PRKN: variants seen among roughly 807,000 people sequenced by gnomAD.
PRKN encodes the protein parkin RBR E3 ubiquitin protein ligase.
PRKN carries 56 observed loss-of-function variants against 59.5 expected under a neutral mutation model. The observed-to-expected ratio is 0.94, with a 90% confidence interval of 0.76 to 1.18. The LOEUF is 1.18. Ranked by LOEUF, PRKN falls within the 50% of genes most tolerant of loss-of-function variation. The probability of loss-of-function intolerance (pLI) is 0.00; values close to 1 mark genes in which losing one functional copy is unlikely to be tolerated. For synonymous variants in PRKN, 250 were observed against 222.1 expected (o/e 1.13, Z -1.12); for missense variants, 657 against 596.4 (o/e 1.10, Z -1.06).
chr6:161,547,678 C>T lies in PRKN; in HGVS notation c.1083+1176G>A, dbSNP rs1459537359. ...CTAGCATTCTGATCCCAGAGGTTGGCAACCTGCTGAGGCCACACACAATCA... is the reference window on the plus strand; with the variant it reads ...CTAGCATTCTGATCCCAGAGGTTGGTAACCTGCTGAGGCCACACACAATCA... On this transcript the variant is annotated intron_variant, in intron 9 of 11. Transcript: ENST00000366898. This position sits in a 1 kb window ranked among gnomAD's most constrained non-coding sequence, Gnocchi z 4.0. 1.3e-5 allele frequency among the ~76,000 whole-genome samples: 2 copies of T among 152,230 alleles called. No individual in the cohort carries two copies. The highest frequency in any genetic ancestry group is 1.3e-4 in the Admixed American group (2 of 15,282).
chr6:162,622,347 C>T (rs1435420424), intron 1 of PRKN, among the ~76,000 whole-genome samples: 2 of 147,740 alleles, frequency 1.4e-5, no homozygotes, highest in East Asian at 2.1e-4. Flanking sequence ...GCTCCCCAGG[C>T]GAATTTTTGC....
At chr6:161,892,666 G>C (rs1777452678) in intron 6 of PRKN, among the ~76,000 whole-genome samples, 1 of 152,182 alleles carries the variant, frequency 6.6e-6, no homozygotes, top group Non-Finnish European at 1.5e-5. Context: ...CTGAGCGCAT[G>C]AGTTAGAGGA....
intron 1 of PRKN, among the ~76,000 whole-genome samples, chr6:162,522,875 G>T (rs190904727): frequency 3.5e-4 from 53 of 151,970 alleles, no homozygotes; most frequent in African/African-American, 1.2e-3. Context: ...ATTTCAGTTG[G>T]ACCATAGAGC....
chr6:162,143,951 T>C (rs1255360732), intron 4 of PRKN, among the ~76,000 whole-genome samples: 1 of 152,216 alleles, frequency 6.6e-6, no homozygotes, highest in Non-Finnish European at 1.5e-5. Flanking sequence ...CAAAAATATA[T>C]AATTTCATAC....
At position 161,355,266 on chromosome 6, in the gene PRKN, G is replaced by A. The variant is rs766465099; in HGVS notation, c.1285+4822C>T. On this transcript the variant is annotated intron_variant, in intron 11 of 11. Coordinates refer to ENST00000366898, the MANE Select transcript of PRKN (RefSeq NM_004562.3). The surrounding 1 kb of genome is among the most constrained non-coding windows in gnomAD (Gnocchi z 6.8). Reference sequence around the variant, plus strand: ...CTGCTCATTCTTCAATTCTTGGCTGGTATCATCTCTTCCAGGAAGCCTCCT... The same window carrying A: ...CTGCTCATTCTTCAATTCTTGGCTGATATCATCTCTTCCAGGAAGCCTCCT... 2.9e-4 allele frequency among the ~76,000 whole-genome samples: 44 copies of A among 152,286 alleles called. No individual in the cohort carries two copies. The highest frequency in any genetic ancestry group is 2.9e-4 in the Non-Finnish European group (20 of 68,020).
At chr6:162,298,608 A>AC (rs1198686507) in intron 2 of PRKN, among the ~76,000 whole-genome samples, 11 of 41,748 alleles carry the variant, frequency 2.6e-4, no homozygotes, top group African/African-American at 4.5e-4. Flanking sequence ...TGACTCTCCC[A>AC]CCCCCCCACC....
At chr6:161,711,898 C>A (rs892061322) in intron 7 of PRKN, among the ~76,000 whole-genome samples, 9 of 152,202 alleles carry the variant, frequency 5.9e-5, no homozygotes, top group Non-Finnish European at 1.3e-4. Flanking sequence ...ATTGGGCCTT[C>A]AGCCACAGAC....
intron 1 of PRKN, among the ~76,000 whole-genome samples, chr6:162,481,558 G>T (rs1792312791): frequency 6.6e-6 from 1 of 152,074 alleles, no homozygotes. Context: ...AAATTAACCA[G>T]CATGATATTT....
chr6:162,391,529 G>A (rs369971212), intron 2 of PRKN, among the ~76,000 whole-genome samples: 218 of 150,500 alleles, frequency 1.4e-3, no homozygotes, highest in East Asian at 0.014. Context: ...CGTGGATTTC[G>A]AAAATCTGCA....
chr6:161,597,324 AAAGG>A (rs1554281303), intron 7 of PRKN, among the ~76,000 whole-genome samples: 1 of 152,214 alleles, frequency 6.6e-6, no homozygotes, highest in Non-Finnish European at 1.5e-5. Flanking sequence ...TATTGTAGCT[AAAGG>A]AAGCTGTGCT....
intron 1 of PRKN, among the ~76,000 whole-genome samples, chr6:162,549,189 A>G (rs2128202895): frequency 6.6e-6 from 1 of 152,222 alleles, no homozygotes; most frequent in South Asian, 2.1e-4. Context: ...GAAGACGGCC[A>G]TCTTCAACCC....
intron 2 of PRKN, among the ~76,000 whole-genome samples, chr6:162,285,668 G>A (rs966585650): frequency 2.0e-5 from 3 of 152,104 alleles, no homozygotes; most frequent in Non-Finnish European, 4.4e-5. Context: ...TGATAAATAA[G>A]TATTGTAGCA....
intron 1 of PRKN, among the ~76,000 whole-genome samples, chr6:162,536,067 C>T (rs2128198285): frequency 6.6e-6 from 1 of 152,168 alleles, no homozygotes; most frequent in East Asian, 1.9e-4. Flanking sequence ...CTGACTGTTC[C>T]ATGAAGATGG....
At chr6:161,787,175 C>T (rs1790453624) in intron 6 of PRKN, among the ~76,000 whole-genome samples, 1 of 152,108 alleles carries the variant, frequency 6.6e-6, no homozygotes, top group African/African-American at 2.4e-5. Flanking sequence ...ATGAATAATA[C>T]TAATAATATA....
At chr6:161,998,498 A>G (rs1213825342) in intron 5 of PRKN, among the ~76,000 whole-genome samples, 3 of 152,128 alleles carry the variant, frequency 2.0e-5, no homozygotes, top group African/African-American at 7.2e-5. Context: ...TTTATCTGAC[A>G]AAGATAAAAT....
intron 6 of PRKN, among the ~76,000 whole-genome samples, chr6:161,963,822 G>A (rs1391174913): frequency 1.3e-5 from 2 of 152,164 alleles, no homozygotes; most frequent in Non-Finnish European, 2.9e-5. Context: ...AAAGTCTTGT[G>A]CTGGCCACGG....
At chr6:161,830,539 C>A (rs999950023) in intron 6 of PRKN, among the ~76,000 whole-genome samples, 20 of 152,126 alleles carry the variant, frequency 1.3e-4, no homozygotes, top group South Asian at 2.1e-4. Context: ...GGCGTGAGCC[C>A]CCGCACCCGG....
intron 1 of PRKN, among the ~76,000 whole-genome samples, chr6:162,535,663 C>A (rs757393244): frequency 1.3e-5 from 2 of 152,080 alleles, no homozygotes; most frequent in Non-Finnish European, 2.9e-5. Flanking sequence ...AATCCCAGCA[C>A]TTTGGGAGGC....
rs1784686881 is a variant in PRKN at position 161,354,749 on chromosome 6, A to G, written c.1286-4538T>C. On this transcript the variant is annotated intron_variant, in intron 11 of 11. Coordinates refer to ENST00000366898, the MANE Select transcript of PRKN (RefSeq NM_004562.3). The surrounding 1 kb of genome is among the most constrained non-coding windows in gnomAD (Gnocchi z 6.7). ...CATAGAGGCTATGTCGGTTTCGGTT[A>G]CAGTGATGCACTTTTAAACAGTTTA... Among the ~76,000 whole-genome samples, 1 of 152,250 alleles carries G rather than the reference A, an allele frequency of 6.6e-6. No homozygotes were observed. Among genetic ancestry groups the G allele is most frequent in the Admixed American group, 6.5e-5 (1 of 15,284 alleles).
Sources: allele counts gnomAD v4.1 joint callset (sites outside exome capture counted in the v4.1 genomes callset), GRCh38; gene constraint gnomAD v4.1.1; non-coding constraint Gnocchi (gnomAD v3.1); transcripts MANE v1.5; gene names NCBI Gene and HGNC (gene_info 2026-07-23, HGNC 2026-07-21).